MYO15B: variants seen among roughly 807,000 people sequenced by gnomAD.
The protein encoded by MYO15B is myosin XVB, also known as myosin XVB pseudogene.
Under a neutral mutation model 119.3 loss-of-function variants are expected in MYO15B, and 207 were observed. That is an observed-to-expected ratio of 1.73 (90% CI 1.55 to 1.95). MYO15B has a LOEUF of 1.95. MYO15B is among the 30% of genes most tolerant of loss of function. The pLI is 0.00. For synonymous variants in MYO15B, 966 were observed against 498.9 expected (o/e 1.94, Z -12.48); for missense variants, 2,264 against 1,203.1 (o/e 1.88, Z -13.04).
chr17:75,608,667 C>A (rs574470253), intron 21 of MYO15B, among the ~76,000 whole-genome samples: 1 of 152,020 alleles, frequency 6.6e-6, no homozygotes, highest in Non-Finnish European at 1.5e-5. Flanking sequence ...CAAGTGATTT[C>A]GTGCCTCAGC....
intron 43 of MYO15B, 73 bp downstream of exon 43, chr17:75,618,258 T>C (rs991196555): frequency 1.9e-5 from 13 of 697,828 alleles, no homozygotes; most frequent in Non-Finnish European, 3.1e-5. Context: ...GTCTAATGGC[T>C]GGGCCAGGTT....
chr17:75,611,623 C>T (rs933394035), exon 24 of MYO15B: 26 of 702,628 alleles, frequency 3.7e-5, no homozygotes, highest in Non-Finnish European at 5.7e-5. Flanking sequence ...TTGGAGATCC[C>T]GGCTGAGCTG....
Position 75,595,594 on chromosome 17 carries a change from A to G in MYO15B, c.3297+622A>G, listed in dbSNP as rs573019958. Among the ~76,000 whole-genome samples the G allele has an allele frequency of 3.3e-3, 501 of 152,330 alleles. 1 individual carries two copies. Among genetic ancestry groups the G allele is most frequent in the African/African-American group, 0.01 (430 of 41,582 alleles). On this transcript the variant is annotated intron_variant, in intron 12 of 63. Transcript: ENST00000645453. Reference sequence around the variant, plus strand: ...TTCAGAGGCTTAACGGAGATAGTCCATGAGAGAGCTGTGTGCTCCAGGGCA... The same window carrying G: ...TTCAGAGGCTTAACGGAGATAGTCCGTGAGAGAGCTGTGTGCTCCAGGGCA...
chr17:75,620,156 G>T lies in MYO15B; in HGVS notation c.7444-90G>T. On this transcript the variant is annotated intron_variant, in intron 47 of 63. Coordinates refer to ENST00000645453, the Ensembl canonical transcript of MYO15B. ...TGGAAGTCTGGGGTGCTAGGTGGAG[G>T]GGCAGGCCAGCAGGGGGAGCAGGTG... 5.8e-6 allele frequency: 4 copies of T among 694,906 alleles called. 1 individual carries two copies. The South Asian group carries it at 6.0e-5, about 10-fold the overall frequency. 43.0% of individuals were successfully genotyped at this position (694,906 alleles called of 1,614,324 possible).
chr17:75,625,878 C>T (rs768830602), exon 62 of MYO15B: 65 of 702,894 alleles, frequency 9.2e-5, no homozygotes, highest in Non-Finnish European at 1.2e-4. Context: ...TCGGCTACAC[C>T]GTCTATGGGG....
intron 59 of MYO15B, 74 bp downstream of exon 59, chr17:75,624,990 C>G: frequency 1.5e-6 from 1 of 683,302 alleles, no homozygotes; most frequent in Non-Finnish European, 2.7e-6. Flanking sequence ...CTCCAAGCCC[C>G]TCTCCCCACA....
chr17:75,590,762 C>T, intron 2 of MYO15B, 73 bp downstream of exon 2: 1 of 192,498 alleles, frequency 5.2e-6, no homozygotes, highest in Non-Finnish European at 1.1e-5. Flanking sequence ...TCCCTGGCAC[C>T]CCTGGAGATT....
exon 1 of MYO15B, chr17:75,588,710 C>G (rs868529967): frequency 5.0e-6 from 2 of 399,056 alleles, no homozygotes; most frequent in Middle Eastern, 6.2e-4. Context: ...CACGCAGATA[C>G]CCGGGGCCGG....
rs2058342630 is a variant in MYO15B at position 75,615,902 on chromosome 17, T to A, written c.6030+18T>A. ...GCCTGAGGGTGAGGAGGTGACCATATTCTCAGGAAGGGATGTGAGGGTGGG... is the reference window on the plus strand; with the variant it reads ...GCCTGAGGGTGAGGAGGTGACCATAATCTCAGGAAGGGATGTGAGGGTGGG... On this transcript the variant is annotated intron_variant, in intron 36 of 63. Transcript: ENST00000645453. 1 of 653,348 alleles carries A rather than the reference T, an allele frequency of 1.5e-6. No individual in the cohort carries two copies. 40.5% of individuals were successfully genotyped at this position (653,348 alleles called of 1,614,324 possible). A position where few individuals can be genotyped will look rare whatever the true frequency, so the allele number is the denominator to read the frequency against.
chr17:75,596,491 G>C, exon 13 of MYO15B: 1 of 702,740 alleles, frequency 1.4e-6, no homozygotes, highest in Non-Finnish European at 2.6e-6. Flanking sequence ...GAGCAACTGT[G>C]CAACAACCTC....
intron 58 of MYO15B, 27 bp downstream of exon 58, chr17:75,624,666 T>G: frequency 2.8e-6 from 2 of 702,872 alleles, no homozygotes; most frequent in Non-Finnish European, 5.2e-6. Flanking sequence ...AGCCTCACGG[T>G]GGGGCCACTC....
intron 36 of MYO15B, 46 bp downstream of exon 36, chr17:75,615,930 C>A: frequency 1.6e-6 from 1 of 626,324 alleles, no homozygotes; most frequent in Non-Finnish European, 2.9e-6. Flanking sequence ...AGGGTGGGGA[C>A]TGCAGGGGCA....
rs559319868 is a variant in MYO15B at position 75,596,512 on chromosome 17, G to A, written c.3350G>A (p.Arg1117His). ...CTGTGCAACAACCTCGCCAGCGAGCGCCTACAGCTCTTCTCCAGCCAGATG... is the reference window on the plus strand; with the variant it reads ...CTGTGCAACAACCTCGCCAGCGAGCACCTACAGCTCTTCTCCAGCCAGATG... Residue 1117 changes from arginine to histidine, a missense_variant, in exon 13 of 64, where the codon CGC becomes CAC. Coordinates refer to ENST00000645453, the Ensembl canonical transcript of MYO15B. 818 of 703,022 alleles carry A rather than the reference G, an allele frequency of 1.2e-3. 17 individuals carry two copies. The highest frequency in any genetic ancestry group is 0.011 in the South Asian group (776 of 67,598). The allele number at this position is 703,022 out of a possible 1,614,324, so 43.5% of individuals were successfully genotyped here.
chr17:75,618,021 A>G (rs1598893452), intron 42 of MYO15B, 99 bp downstream of exon 42: 8 of 692,066 alleles, frequency 1.2e-5, no homozygotes, highest in South Asian at 1.0e-4. Context: ...TCCCCTCCCC[A>G]CAGCCCACCA....
rs1182064575 is a variant in MYO15B at position 75,621,346 on chromosome 17, CT to C, written c.7874del (p.Leu2625ArgfsTer35). On this transcript the variant is annotated frameshift_variant and splice_region_variant, in exon 51 of 64. Coordinates refer to ENST00000645453, the Ensembl canonical transcript of MYO15B. LOFTEE classifies it high-confidence loss of function. Reference sequence around the variant, plus strand: ...GCTGTCTCCCTCTGCCCCCCACAGGCTGGGCCAGACTGATGGAGGTGCCGCA... The same window carrying C: ...GCTGTCTCCCTCTGCCCCCCACAGGCGGGCCAGACTGATGGAGGTGCCGCA... The C allele has an allele frequency of 7.1e-6, 5 of 699,726 alleles. No individual in the cohort carries two copies. In the East Asian group the frequency reaches 1.3e-4, roughly 19 times the overall value. 43.3% of individuals were successfully genotyped at this position (699,726 alleles called of 1,614,324 possible).
At chr17:75,609,485 AT>A (rs749247022) in intron 21 of MYO15B, among the ~76,000 whole-genome samples, 6,883 of 78,056 alleles carry the variant, frequency 0.088, 93 homozygotes, top group African/African-American at 0.1. Flanking sequence ...AAGGGAAATG[AT>A]TTTTTTTTTT....
At position 75,589,042 on chromosome 17, in the gene MYO15B, G is replaced by A. The variant is rs1049202129; in HGVS notation, c.985G>A (p.Glu329Lys). Residue 329 changes from glutamate to lysine, a missense_variant, in exon 1 of 64, where the codon GAG becomes AAG. By Grantham distance (56) the Glu-to-Lys change is moderately conservative (BLOSUM62 1). Transcript: ENST00000645453. This position sits in a 1 kb window ranked among gnomAD's most constrained non-coding sequence, Gnocchi z 4.2. ...GGGAGCCGCAGCAGGAGCGGGGCCG[G>A]AGGACCCAGCCCCGCTGGCGGCCCT... 1 of 396,906 alleles carries A rather than the reference G, an allele frequency of 2.5e-6. No homozygotes were observed. The highest frequency in any genetic ancestry group is 2.1e-5 in the African/African-American group (1 of 48,648). The allele number at this position is 396,906 out of a possible 1,614,324, so 24.6% of individuals were successfully genotyped here.
At chr17:75,620,713 C>G (rs779754995) in intron 49 of MYO15B, 77 bp downstream of exon 49, 8 of 690,850 alleles carry the variant, frequency 1.2e-5, no homozygotes, top group Non-Finnish European at 1.9e-5. Context: ...TGACCACTCC[C>G]GAGGCTGCCA....
In MYO15B at chr17:75,624,710, TG is replaced by T. The variant is rs1347770166; in HGVS notation, c.8543-57del. 7 of 702,658 alleles carry T rather than the reference TG, an allele frequency of 1.0e-5. No homozygotes were observed. The African/African-American group carries it at 1.2e-4, about 12-fold the overall frequency. 43.5% of individuals were successfully genotyped at this position (702,658 alleles called of 1,614,324 possible). A position where few individuals can be genotyped will look rare whatever the true frequency, so the allele number is the denominator to read the frequency against. On this transcript the variant is annotated intron_variant, in intron 58 of 63. Coordinates refer to ENST00000645453, the Ensembl canonical transcript of MYO15B. Reference sequence around the variant, plus strand: ...AGGGGTGAGGTGGTTTGGTTTCTGCTGGGGTGGCAGGGCCGGGTGTGTGTGG... The same window carrying T: ...AGGGGTGAGGTGGTTTGGTTTCTGCTGGGTGGCAGGGCCGGGTGTGTGTGG...
Sources: gnomAD v4.1 joint callset for allele counts (sites outside exome capture counted in the v4.1 genomes callset) on GRCh38, gnomAD v4.1.1 for gene constraint, Gnocchi (gnomAD v3.1) non-coding constraint, MANE v1.5 for transcripts, NCBI Gene and HGNC (gene_info 2026-07-23, HGNC 2026-07-21) for gene names.